The following PELI1 variants were observed in gnomAD, a reference collection of about 807,000 sequenced individuals.
PELI1 encodes the protein E3 ubiquitin-protein ligase pellino homolog 1.
A neutral mutation model predicts 41.3 loss-of-function variants in PELI1; 15 were observed. The observed-to-expected ratio is 0.36, with a 90% CI of 0.24 to 0.56. The LOEUF (loss-of-function observed/expected upper bound fraction) is 0.56, where lower values mean the gene tolerates loss of function less well. Among genes scored for constraint, PELI1 ranks in the 20% least tolerant of loss-of-function variants. The pLI is 0.82. For synonymous variants in PELI1, 178 were observed against 180.1 expected (o/e 0.99, Z 0.09); for missense variants, 403 against 525.5 (o/e 0.77, Z 2.28).
At chr2:64,114,916 T>C (rs1047473094) in intron 1 of PELI1, among the ~76,000 whole-genome samples, 2 of 152,084 alleles carry the variant, frequency 1.3e-5, no homozygotes, top group African/African-American at 2.4e-5. Flanking sequence ...AAATTTCCCC[T>C]TTTTTTGGCA....
chr2:64,125,515 A>G (rs559867825), intron 1 of PELI1, among the ~76,000 whole-genome samples: 2 of 152,314 alleles, frequency 1.3e-5, no homozygotes, highest in South Asian at 2.1e-4. Context: ...CCCATGACCA[A>G]TAAGTTTCAC....
chr2:64,101,386 G>GT (rs1680427123), intron 3 of PELI1, among the ~76,000 whole-genome samples: 1 of 151,406 alleles, frequency 6.6e-6, no homozygotes, highest in Non-Finnish European at 1.5e-5. Flanking sequence ...CAAAGGAAAG[G>GT]GATGTAATGC....
chr2:64,105,466 A>G (rs1228183974), intron 2 of PELI1, among the ~76,000 whole-genome samples: 1 of 152,160 alleles, frequency 6.6e-6, no homozygotes, highest in Non-Finnish European at 1.5e-5. Context: ...TATACATCCT[A>G]AAGGTAAGCA....
At chr2:64,143,187 A>C (rs1177286466) in intron 1 of PELI1, 7 of 152,224 alleles carry the variant, frequency 4.6e-5, no homozygotes, top group Admixed American at 4.6e-4. Context: ...CAAAAATAAA[A>C]GTAGATGGTG....
intron 1 of PELI1, among the ~76,000 whole-genome samples, chr2:64,112,099 TTAAAA>T (rs1360267842): frequency 4.0e-5 from 6 of 150,530 alleles, no homozygotes; most frequent in African/African-American, 1.2e-4. Context: ...AAAATTTCCT[TTAAAA>T]TAAGCTTATT....
Position 64,108,959 on chromosome 2 carries a change from C to T in PELI1, c.-69-580G>A, listed in dbSNP as rs576512641. On this transcript the variant is annotated intron_variant, in intron 1 of 6. Transcript: ENST00000358912. The stretch of plus-strand genomic sequence containing the variant: ...AAACCCAGAAAACAGTTTTGCCCCA[C>T]CACCACCCACACCAACGAAAGCTAA... Among the ~76,000 whole-genome samples the T allele has an allele frequency of 2.6e-5, 4 of 152,332 alleles. No homozygotes were observed. The East Asian group carries it at 5.8e-4, about 22-fold the overall frequency.
Position 64,094,616 on chromosome 2 carries a change from A to G in PELI1, c.*86T>C. 1 of 872,022 alleles carries G rather than the reference A, an allele frequency of 1.1e-6. No homozygotes were observed. Among genetic ancestry groups the G allele is most frequent in the South Asian group, 1.8e-5 (1 of 55,628 alleles). The allele number at this position is 872,022 out of a possible 1,614,324, so 54.0% of individuals were successfully genotyped here. On this transcript the variant is annotated 3_prime_UTR_variant, in exon 7 of 7. Transcript: ENST00000358912. The stretch of plus-strand genomic sequence containing the variant: ...ATCTTAATGCAAATGACCAGAGCAG[A>G]AAAACTGTGACGTGGACAACAGGTT...
intron 1 of PELI1, among the ~76,000 whole-genome samples, chr2:64,111,596 T>C (rs970521258): frequency 1.3e-5 from 2 of 152,228 alleles, no homozygotes; most frequent in African/African-American, 4.8e-5. Context: ...ATATTGCTAT[T>C]TCACCATAAC....
At chr2:64,126,528 T>C (rs1681391727) in intron 1 of PELI1, among the ~76,000 whole-genome samples, 1 of 152,154 alleles carries the variant, frequency 6.6e-6, no homozygotes, top group Non-Finnish European at 1.5e-5. Context: ...CCAACAAATA[T>C]TACTGAGCAT....
chr2:64,116,440 T>G (rs116497805), intron 1 of PELI1, among the ~76,000 whole-genome samples: 2,051 of 152,290 alleles, frequency 0.013, 22 homozygotes, highest in South Asian at 0.031. Context: ...TGGCAGTTAT[T>G]TGGAACAAAA....
chr2:64,116,350 G>C (rs2103707286), intron 1 of PELI1, among the ~76,000 whole-genome samples: 1 of 152,234 alleles, frequency 6.6e-6, no homozygotes, highest in South Asian at 2.1e-4. Context: ...TCCTCACAAA[G>C]CAAGACTAGA....
At chr2:64,126,580 C>T (rs1681393739) in intron 1 of PELI1, among the ~76,000 whole-genome samples, 1 of 152,092 alleles carries the variant, frequency 6.6e-6, no homozygotes, top group Admixed American at 6.5e-5. Flanking sequence ...CAAACTAATG[C>T]AAAAGGTATG....
At chr2:64,122,933 G>A (rs1368376940) in intron 1 of PELI1, among the ~76,000 whole-genome samples, 1 of 152,140 alleles carries the variant, frequency 6.6e-6, no homozygotes, top group Non-Finnish European at 1.5e-5. Flanking sequence ...TATAATAGAT[G>A]AGAAAAATCT....
In PELI1 at chr2:64,113,973, T is replaced by TA. The variant is rs574193316; in HGVS notation, c.-69-5595dup. Reference sequence around the variant, plus strand: ...AAACACAAGTACAAAATTCCTGCCCTAAAAAAAAAAGCAAAACAAATACTA... The same window carrying TA: ...AAACACAAGTACAAAATTCCTGCCCTAAAAAAAAAAAGCAAAACAAATACTA... On this transcript the variant is annotated intron_variant, in intron 1 of 6. Transcript: ENST00000358912. Among the ~76,000 whole-genome samples the TA allele has an allele frequency of 6.8e-3, 982 of 144,948 alleles. 26 individuals are homozygous for TA. Among genetic ancestry groups the TA allele is most frequent in the Admixed American group, 0.047 (687 of 14,526 alleles).
At chr2:64,124,960 A>G (rs1681337843) in intron 1 of PELI1, among the ~76,000 whole-genome samples, 1 of 152,168 alleles carries the variant, frequency 6.6e-6, no homozygotes. Context: ...CTCAGGTTCC[A>G]TAATTTACTG....
intron 1 of PELI1, among the ~76,000 whole-genome samples, chr2:64,122,358 A>C (rs1194114105): frequency 2.7e-5 from 4 of 150,612 alleles, no homozygotes; most frequent in Non-Finnish European, 4.4e-5. Flanking sequence ...AAAAAAAAAA[A>C]AAACTCCAGA....
chr2:64,122,389 A>G (rs983569352), intron 1 of PELI1, among the ~76,000 whole-genome samples: 3 of 151,622 alleles, frequency 2.0e-5, no homozygotes, highest in Non-Finnish European at 2.9e-5. Flanking sequence ...AACAAAACAA[A>G]GTGTACTTAC....
chr2:64,116,315 C>A (rs1282341703), intron 1 of PELI1, among the ~76,000 whole-genome samples: 1 of 152,140 alleles, frequency 6.6e-6, no homozygotes, highest in Non-Finnish European at 1.5e-5. Context: ...TTTAGATTAC[C>A]AAAGTTCCTA....
At chr2:64,143,854 G>C (rs1319567634) in intron 1 of PELI1, among the ~76,000 whole-genome samples, 1 of 151,802 alleles carries the variant, frequency 6.6e-6, no homozygotes, top group East Asian at 1.9e-4. Flanking sequence ...GGCGGAGGGG[G>C]AGGCCGCGTA....
Sources: gnomAD v4.1 joint callset for allele counts (sites outside exome capture counted in the v4.1 genomes callset) on GRCh38, gnomAD v4.1.1 for gene constraint, MANE v1.5 for transcripts, NCBI Gene and HGNC (gene_info 2026-07-23, HGNC 2026-07-21) for gene names.